The following KIAA1958 variants were observed in gnomAD, a reference collection of about 807,000 sequenced individuals.
KIAA1958 encodes uncharacterized protein KIAA1958.
KIAA1958 carries 14 observed loss-of-function variants against 47.2 expected under a neutral mutation model. The ratio of observed to expected loss-of-function variants is 0.30; its 90% confidence interval spans 0.20 to 0.46. KIAA1958 has a LOEUF of 0.46. Ranked by LOEUF, KIAA1958 falls within the 20% of genes least tolerant of loss-of-function variation. The probability of loss-of-function intolerance (pLI) is 1.00; values close to 1 mark genes in which losing one functional copy is unlikely to be tolerated. For synonymous variants in KIAA1958, 354 were observed against 353.3 expected (o/e 1.00, Z -0.02); for missense variants, 803 against 909.2 (o/e 0.88, Z 1.50).
At chr9:112,572,467 T>C in intron 1 of KIAA1958, among the ~76,000 whole-genome samples, 1 of 152,226 alleles carries the variant, frequency 6.6e-6, no homozygotes, top group Non-Finnish European at 1.5e-5. Context: ...TCATAGTTTC[T>C]GCCTTCAGGA....
chr9:112,517,939 C>A (rs1210657272), intron 1 of KIAA1958, among the ~76,000 whole-genome samples: 1 of 152,240 alleles, frequency 6.6e-6, no homozygotes, highest in Admixed American at 6.5e-5. Flanking sequence ...TAAGTAACTA[C>A]AATTCTTATA....
intron 1 of KIAA1958, among the ~76,000 whole-genome samples, chr9:112,557,376 G>A (rs1281361844): frequency 6.6e-6 from 1 of 152,182 alleles, no homozygotes; most frequent in East Asian, 1.9e-4. Context: ...AAGGATCACA[G>A]AGCACAAAGA....
intron 1 of KIAA1958, 189 bp downstream of exon 1, chr9:112,487,307 A>T (rs1322866731): frequency 6.6e-6 from 1 of 150,794 alleles, no homozygotes; most frequent in Admixed American, 6.6e-5. Flanking sequence ...GAGGGCAGGG[A>T]CCCGGGCGGC....
At chr9:112,542,798 A>T (rs1318130490) in intron 1 of KIAA1958, among the ~76,000 whole-genome samples, 1 of 152,160 alleles carries the variant, frequency 6.6e-6, no homozygotes, top group African/African-American at 2.4e-5. Flanking sequence ...TTCAGAACAG[A>T]CTGATTAATA....
rs1429552819 is a variant in KIAA1958, at chr9:112,645,749, C to T, written c.1271C>T (p.Thr424Met). 1.2e-5 allele frequency: 19 copies of T among 1,614,080 alleles called. No homozygotes were observed. Among genetic ancestry groups the T allele is most frequent in the Non-Finnish European group, 1.5e-5 (18 of 1,179,980 alleles). Reference sequence around the variant, plus strand: ...GTAAGCCCAAATACTACCAAAGCCACGCGGTACGCCTTGAATGTGTGGCGT... The same window carrying T: ...GTAAGCCCAAATACTACCAAAGCCATGCGGTACGCCTTGAATGTGTGGCGT... ...SAVSPNTTKA[T>M]RYALNVWRYW... The change falls in exon 3 of 4, where the codon ACG becomes ATG. Residue 424 changes from threonine (T) to methionine (M), a missense_variant. Around this residue, in one of 2 missense-constraint regions of KIAA1958, gnomAD observed 761 missense variants for 829.3 expected, o/e 0.92. Transcript: ENST00000337530.
chr9:112,511,528 G>A (rs1174399275), intron 1 of KIAA1958, among the ~76,000 whole-genome samples: 1 of 152,190 alleles, frequency 6.6e-6, no homozygotes, highest in African/African-American at 2.4e-5. Context: ...ACATAAAGAA[G>A]TGAGGAGAGG....
chr9:112,563,081 C>T, intron 1 of KIAA1958, among the ~76,000 whole-genome samples: 1 of 78,732 alleles, frequency 1.3e-5, no homozygotes, highest in South Asian at 5.7e-4. Flanking sequence ...CTCTCTCTCT[C>T]TCTCTATATA....
chr9:112,558,691 A>C (rs1366839413), intron 1 of KIAA1958, among the ~76,000 whole-genome samples: 1 of 152,194 alleles, frequency 6.6e-6, no homozygotes. Flanking sequence ...ACCATCTCTC[A>C]TCTGGAACAA....
intron 3 of KIAA1958, among the ~76,000 whole-genome samples, chr9:112,650,977 A>G (rs1014163363): frequency 1.3e-5 from 2 of 152,254 alleles, no homozygotes; most frequent in African/African-American, 4.8e-5. Context: ...CAATTCATAA[A>G]GAAGACATGA....
At chr9:112,615,520 C>T (rs1216362163) in intron 2 of KIAA1958, among the ~76,000 whole-genome samples, 2 of 151,816 alleles carry the variant, frequency 1.3e-5, no homozygotes, top group African/African-American at 2.4e-5. Context: ...CACACTGAAT[C>T]ATCTGAAAGA....
At chr9:112,552,165 T>C (rs2132839512) in intron 1 of KIAA1958, among the ~76,000 whole-genome samples, 1 of 152,322 alleles carries the variant, frequency 6.6e-6, no homozygotes, top group South Asian at 2.1e-4. Flanking sequence ...GTAGTTTTAT[T>C]TGTGAGAGTA....
At chr9:112,537,213 C>T (rs1009645213) in intron 1 of KIAA1958, among the ~76,000 whole-genome samples, 2 of 152,038 alleles carry the variant, frequency 1.3e-5, no homozygotes, top group South Asian at 2.1e-4. Context: ...TCAAGTGATT[C>T]TCCCGCCTCA....
At chr9:112,629,919 A>G (rs1836679403) in intron 2 of KIAA1958, among the ~76,000 whole-genome samples, 1 of 152,198 alleles carries the variant, frequency 6.6e-6, no homozygotes, top group African/African-American at 2.4e-5. Context: ...CATTCATTTA[A>G]TGAATTGTCT....
rs1411521947 is a variant in KIAA1958, at chr9:112,518,665, CTATT to C, written c.-25+31552_-25+31555del. ...TCTAATCATGGTGATGGTTTCATGGCTATTTATTACATGTCAAAACTTATCAAAT... is the reference window on the plus strand; with the variant it reads ...TCTAATCATGGTGATGGTTTCATGGCTATTACATGTCAAAACTTATCAAAT... On this transcript the variant is annotated intron_variant, in intron 1 of 3. Transcript: ENST00000337530. Among the ~76,000 whole-genome samples the C allele has an allele frequency of 3.3e-5, 5 of 152,134 alleles. 2 individuals carry two copies. The South Asian group carries it at 8.3e-4, about 25-fold the overall frequency.
chr9:112,539,683 T>TA lies in KIAA1958; in HGVS notation c.-24-34374_-24-34373insA, dbSNP rs113755387. 5.1e-3 allele frequency among the ~76,000 whole-genome samples: 776 copies of TA among 151,046 alleles called. 6 individuals carry two copies. The highest frequency in any genetic ancestry group is 0.017 in the African/African-American group (699 of 41,164). ...TTGTACTTAAAAGTATATATATATA[T>TA]TTTTTTTGCGGGGGTGGGGGTTGGG... On this transcript the variant is annotated intron_variant, in intron 1 of 3. Coordinates refer to ENST00000337530, the MANE Select transcript of KIAA1958 (RefSeq NM_133465.4).
intron 2 of KIAA1958, among the ~76,000 whole-genome samples, chr9:112,605,326 G>A (rs1277289643): frequency 1.6e-4 from 24 of 152,124 alleles, no homozygotes; most frequent in Admixed American, 1.6e-3. Context: ...CTGAGGATGG[G>A]TTGGGGAAAA....
At chr9:112,596,194 A>G (rs1836028695) in intron 2 of KIAA1958, among the ~76,000 whole-genome samples, 1 of 152,208 alleles carries the variant, frequency 6.6e-6, no homozygotes, top group Admixed American at 6.5e-5. Context: ...CTCAATTATT[A>G]CTTAATTTTT....
At chr9:112,650,001 T>C (rs1416895444) in intron 3 of KIAA1958, among the ~76,000 whole-genome samples, 1 of 151,666 alleles carries the variant, frequency 6.6e-6, no homozygotes, top group Non-Finnish European at 1.5e-5. Context: ...ACTTTTTAAA[T>C]GAAAACCATA....
At chr9:112,506,855 G>T (rs1834243746) in intron 1 of KIAA1958, among the ~76,000 whole-genome samples, 1 of 152,090 alleles carries the variant, frequency 6.6e-6, no homozygotes, top group African/African-American at 2.4e-5. Flanking sequence ...ATTCTGAATA[G>T]AACCTGAGAT....
Sources: gnomAD v4.1 joint callset for allele counts (sites outside exome capture counted in the v4.1 genomes callset) on GRCh38, gnomAD v4.1.1 for gene constraint, gnomAD v4.1.1 regional missense constraint, MANE v1.5 for transcripts, NCBI Gene and HGNC (gene_info 2026-07-23, HGNC 2026-07-21) for gene names.